Variants in ADD3 observed in about 807,000 individuals in gnomAD.
ADD3 encodes gamma-adducin.
Under a neutral mutation model 80.2 loss-of-function variants are expected in ADD3, and 25 were observed. The observed-to-expected ratio is 0.31, with a 90% CI of 0.23 to 0.44. The LOEUF (loss-of-function observed/expected upper bound fraction) is 0.44. ADD3 is among the 20% of genes least tolerant of loss of function. The pLI, the probability that ADD3 is intolerant of heterozygous loss-of-function variation, is 1.00. For missense variants in ADD3, 829 were observed against 847.5 expected, an observed-to-expected ratio of 0.98 and a Z score of 0.27; for synonymous variants, 284 against 289.6, an observed-to-expected ratio of 0.98 and a Z score of 0.20.
At chr10:110,035,749 A>AC (rs1343228550) in intron 1 of ADD3, among the ~76,000 whole-genome samples, 2 of 151,656 alleles carry the variant, frequency 1.3e-5, no homozygotes, top group Non-Finnish European at 2.9e-5. Flanking sequence ...TTGCATTCTC[A>AC]CACGTTACCA....
rs142089271 is a variant in ADD3 at position 110,055,842 on chromosome 10, G to A, written c.-29-44783G>A. ...AACTTGAAGACACTATGCTGATAGA[G>A]ATTACACAGCTCCTTCTAATCAAGA... On this transcript the variant is annotated intron_variant, in intron 1 of 14. Transcript: ENST00000356080. Among the ~76,000 whole-genome samples the A allele has an allele frequency of 2.4e-3, 362 of 152,302 alleles. 5 individuals are homozygous for A. The highest frequency in any genetic ancestry group is 2.0e-3 in the Non-Finnish European group (133 of 68,024).
intron 1 of ADD3, among the ~76,000 whole-genome samples, chr10:110,094,558 A>C (rs1246976927): frequency 6.6e-6 from 1 of 152,100 alleles, no homozygotes; most frequent in Non-Finnish European, 1.5e-5. Context: ...TGCCAGGTTC[A>C]TTTGGGTTTT....
At chr10:110,013,613 G>A (rs1007346033) in intron 1 of ADD3, among the ~76,000 whole-genome samples, 1 of 152,184 alleles carries the variant, frequency 6.6e-6, no homozygotes, top group Non-Finnish European at 1.5e-5. Flanking sequence ...TCACAGATAC[G>A]TTAAGGCAAG....
At chr10:110,007,151 C>G (rs1287743767), upstream of ADD3, among the ~76,000 whole-genome samples, 1 of 152,198 alleles carries the variant, frequency 6.6e-6, no homozygotes, top group Non-Finnish European at 1.5e-5. Flanking sequence ...GCCCCGCATT[C>G]ATTTTGAAGG....
intron 1 of ADD3, among the ~76,000 whole-genome samples, chr10:110,054,664 A>G (rs953330435): frequency 2.7e-5 from 4 of 148,578 alleles, no homozygotes; most frequent in East Asian, 2.0e-4. Flanking sequence ...CCAGGCTGCA[A>G]TGCAGTGGCA....
At chr10:110,004,070 G>T (rs1157521587), upstream of ADD3, among the ~76,000 whole-genome samples, 2 of 152,058 alleles carry the variant, frequency 1.3e-5, no homozygotes, top group Non-Finnish European at 2.9e-5. Flanking sequence ...GGGAGGGGAT[G>T]TGGGGGAATG....
chr10:110,069,975 A>G (rs1300807265), intron 1 of ADD3, among the ~76,000 whole-genome samples: 1 of 152,172 alleles, frequency 6.6e-6, no homozygotes, highest in Non-Finnish European at 1.5e-5. Flanking sequence ...CCCAGTGGCA[A>G]TTTTGATTTC....
chr10:110,103,196 C>A (rs1003319796), intron 2 of ADD3, among the ~76,000 whole-genome samples: 4 of 152,214 alleles, frequency 2.6e-5, no homozygotes, highest in Non-Finnish European at 5.9e-5. Context: ...ACAGAAACTT[C>A]ACCAAGGGAA....
chr10:110,123,774 C>T (rs1033383341), intron 9 of ADD3: 21 of 470,302 alleles, frequency 4.5e-5, no homozygotes, highest in Non-Finnish European at 6.5e-5. Context: ...GTTCGTTTGT[C>T]GGGAACAGTT....
At chr10:110,102,048 T>C (rs181724813) in intron 2 of ADD3, among the ~76,000 whole-genome samples, 101 of 152,300 alleles carry the variant, frequency 6.6e-4, no homozygotes, top group African/African-American at 2.4e-3. Flanking sequence ...AATTCTCCCA[T>C]ACCAGTGGCC....
At chr10:110,060,516 T>C (rs1176342276) in intron 1 of ADD3, among the ~76,000 whole-genome samples, 1 of 152,252 alleles carries the variant, frequency 6.6e-6, no homozygotes. Flanking sequence ...ATAATTTCTT[T>C]ATAAAGAATC....
chr10:110,081,562 T>A (rs1846062825), intron 1 of ADD3, among the ~76,000 whole-genome samples: 1 of 152,240 alleles, frequency 6.6e-6, no homozygotes, highest in South Asian at 2.1e-4. Context: ...CACACTCTTC[T>A]GTATGAGGCT....
intron 1 of ADD3, among the ~76,000 whole-genome samples, chr10:110,061,225 C>T (rs1357461620): frequency 6.6e-6 from 1 of 152,226 alleles, no homozygotes; most frequent in African/African-American, 2.4e-5. Context: ...CCATAAATGA[C>T]AGCCAAAGTA....
At chr10:110,101,189 A>G (rs980995741) in intron 2 of ADD3, among the ~76,000 whole-genome samples, 1 of 152,164 alleles carries the variant, frequency 6.6e-6, no homozygotes, top group African/African-American at 2.4e-5. Flanking sequence ...GGTATATCCC[A>G]TGCACGTATT....
In ADD3 at chr10:110,124,271, C is replaced by G. The variant is rs1454086036; in HGVS notation, c.1398C>G (p.Ile466Met). Residue 466 changes from isoleucine (I) to methionine (M), a missense_variant, in exon 10 of 15, where the codon ATC (isoleucine) becomes ATG (methionine). Ile to Met is a conservative substitution (Grantham distance 10). Transcript: ENST00000356080. ...RNGETSPRTK[I>M]TWMKAEDSSK... ...GAGAAACCAGTCCCCGAACCAAAAT[C>G]ACGGTATGCCAGTATTTTATGTAGT... The G allele has an allele frequency of 6.2e-7, 1 of 1,613,314 alleles. No homozygotes were observed. The highest frequency in any genetic ancestry group is 8.5e-7 in the Non-Finnish European group (1 of 1,179,382).
At chr10:110,059,592 C>T (rs1360553418) in intron 1 of ADD3, among the ~76,000 whole-genome samples, 1 of 145,890 alleles carries the variant, frequency 6.9e-6, no homozygotes, top group Non-Finnish European at 1.5e-5. Flanking sequence ...CATATAGAGA[C>T]ACCCCATCTC....
At chr10:110,083,352 T>A (rs1409503030) in intron 1 of ADD3, among the ~76,000 whole-genome samples, 1 of 152,022 alleles carries the variant, frequency 6.6e-6, no homozygotes. Context: ...CCGTCTCTAC[T>A]AAAAATACAA....
chr10:110,016,526 G>A (rs1853015613), intron 1 of ADD3: 1 of 152,200 alleles, frequency 6.6e-6, no homozygotes, highest in African/African-American at 2.4e-5. Context: ...TTCAATAGCA[G>A]GTCTGGTTGG....
intron 1 of ADD3, among the ~76,000 whole-genome samples, chr10:110,037,602 C>T (rs1276378736): frequency 8.2e-6 from 1 of 122,594 alleles, no homozygotes; most frequent in Non-Finnish European, 1.6e-5. Context: ...AAGACTCAGT[C>T]TCAAAAAAAA....
Sources: allele counts gnomAD v4.1 joint callset (sites outside exome capture counted in the v4.1 genomes callset), GRCh38; gene constraint gnomAD v4.1.1; transcripts MANE v1.5; gene names NCBI Gene and HGNC (gene_info 2026-07-23, HGNC 2026-07-21).